Variants in CNTN5 observed in about 807,000 individuals in gnomAD.
CNTN5 encodes contactin-5.
In CNTN5, 77 loss-of-function variants were observed where a neutral mutation model predicts 129.1. The ratio of observed to expected loss-of-function variants is 0.60; its 90% CI spans 0.50 to 0.72. CNTN5 has a LOEUF of 0.72. Among genes scored for constraint, CNTN5 ranks in the 30% least tolerant of loss-of-function variants. The probability of loss-of-function intolerance (pLI) is 0.00; values close to 1 mark genes in which losing one functional copy is unlikely to be tolerated. For missense variants in CNTN5, 1,478 were observed against 1,328.8 expected (o/e 1.11, Z -1.75); for synonymous variants, 509 against 465.6 (o/e 1.09, Z -1.20).
At chr11:99,482,114 TA>T in intron 2 of CNTN5, among the ~76,000 whole-genome samples, 1 of 152,242 alleles carries the variant, frequency 6.6e-6, no homozygotes, top group African/African-American at 2.4e-5. Flanking sequence ...AAAAATTCAA[TA>T]AAAATGCATT....
rs562070418 is a variant in CNTN5, at chr11:99,641,824, C to A, written c.55+85555C>A. On this transcript the variant is annotated intron_variant, in intron 3 of 24. Transcript: ENST00000524871. ...CCAACTTTTCCAACCCTGCTCAATC[C>A]TGCTATTAAATACATAATAGCAACA... 4.6e-5 allele frequency among the ~76,000 whole-genome samples: 7 copies of A among 152,274 alleles called. No individual in the cohort carries two copies. The East Asian group carries it at 1.2e-3, about 25-fold the overall frequency.
At chr11:99,806,252 A>G (rs1179457282) in intron 3 of CNTN5, among the ~76,000 whole-genome samples, 2 of 152,182 alleles carry the variant, frequency 1.3e-5, no homozygotes, top group Non-Finnish European at 2.9e-5. Context: ...ATAAATTGGT[A>G]TCTCATCTCT....
At chr11:99,258,723 A>AT (rs1316695196) in intron 1 of CNTN5, among the ~76,000 whole-genome samples, 3 of 151,846 alleles carry the variant, frequency 2.0e-5, no homozygotes, top group Non-Finnish European at 4.4e-5. Context: ...TTATTTATGC[A>AT]TTTTTGCTAG....
chr11:100,084,761 A>T (rs566833356), intron 13 of CNTN5, among the ~76,000 whole-genome samples: 2 of 152,232 alleles, frequency 1.3e-5, no homozygotes, highest in South Asian at 4.1e-4. Context: ...CTATGTTATT[A>T]GTTAATAGCT....
At chr11:99,432,540 C>G (rs1048109269) in intron 2 of CNTN5, among the ~76,000 whole-genome samples, 3 of 123,238 alleles carry the variant, frequency 2.4e-5, no homozygotes, top group African/African-American at 5.9e-5. Flanking sequence ...TTTTTAGGGG[C>G]GAATGGGGTA....
intron 18 of CNTN5, among the ~76,000 whole-genome samples, chr11:100,274,920 A>G (rs986067695): frequency 5.3e-5 from 8 of 152,244 alleles, no homozygotes; most frequent in African/African-American, 1.7e-4. Flanking sequence ...GGGTGATGAA[A>G]TAATCTGTAC....
chr11:99,265,099 T>C (rs1395970588), intron 1 of CNTN5, among the ~76,000 whole-genome samples: 1 of 151,914 alleles, frequency 6.6e-6, no homozygotes, highest in Non-Finnish European at 1.5e-5. Flanking sequence ...ATTATTAGAA[T>C]GATACACTAA....
chr11:99,465,855 A>T (rs986254881), intron 2 of CNTN5, among the ~76,000 whole-genome samples: 1 of 141,092 alleles, frequency 7.1e-6, no homozygotes, highest in Non-Finnish European at 1.5e-5. Context: ...AAGAGAGAGA[A>T]GGGGAAGGTG....
At position 99,495,426 on chromosome 11, in the gene CNTN5, C is replaced by T. The variant is rs190377906; in HGVS notation, c.-70-60719C>T. 4.7e-4 allele frequency among the ~76,000 whole-genome samples: 71 copies of T among 152,112 alleles called. No homozygotes were observed. The East Asian group carries it at 5.2e-3, about 11-fold the overall frequency. ...ATATTGCTAAAACTAAGCCATTTGC[C>T]GTGTACATATCTTATGAGATATGGC... On this transcript the variant is annotated intron_variant, in intron 2 of 24. Transcript: ENST00000524871.
chr11:99,032,172 G>A (rs1863422688), intron 1 of CNTN5, among the ~76,000 whole-genome samples: 1 of 151,896 alleles, frequency 6.6e-6, no homozygotes, highest in Non-Finnish European at 1.5e-5. Context: ...ATCATTGTTG[G>A]ACATTTGGGT....
chr11:99,358,463 A>G (rs1339055531), intron 2 of CNTN5, among the ~76,000 whole-genome samples: 1 of 150,778 alleles, frequency 6.6e-6, no homozygotes, highest in Non-Finnish European at 1.5e-5. Context: ...AGGGAGCCTG[A>G]GGCAGGGGAA....
chr11:99,877,585 A>G (rs1948666444), intron 6 of CNTN5, among the ~76,000 whole-genome samples: 2 of 144,958 alleles, frequency 1.4e-5, no homozygotes, highest in Admixed American at 1.5e-4. Context: ...TGGATTTTTA[A>G]GTTTATTTCT....
At chr11:99,353,764 C>CT (rs1483602600) in intron 2 of CNTN5, among the ~76,000 whole-genome samples, 1 of 152,154 alleles carries the variant, frequency 6.6e-6, no homozygotes, top group African/African-American at 2.4e-5. Flanking sequence ...ATTGTCCTGA[C>CT]TTTTTTCTTT....
intron 1 of CNTN5, among the ~76,000 whole-genome samples, chr11:99,286,104 T>TTTCAATATTA (rs1354773368): frequency 2.0e-5 from 3 of 151,780 alleles, no homozygotes; most frequent in Non-Finnish European, 4.4e-5. Flanking sequence ...TTCCATTTAC[T>TTTCAATATTA]TTCAATATTA....
intron 2 of CNTN5, among the ~76,000 whole-genome samples, chr11:99,492,685 A>G (rs1244516874): frequency 3.9e-5 from 6 of 152,298 alleles, no homozygotes; most frequent in African/African-American, 1.4e-4. Flanking sequence ...TTAACAAGAG[A>G]AAAACATAAC....
At chr11:99,904,674 G>A (rs1248555211) in intron 6 of CNTN5, among the ~76,000 whole-genome samples, 2 of 152,090 alleles carry the variant, frequency 1.3e-5, no homozygotes, top group Non-Finnish European at 2.9e-5. Context: ...CGATTGCTGG[G>A]TCAAATGGTA....
rs1050867434 is a variant in CNTN5 at position 100,031,940 on chromosome 11, G to A, written c.981-29272G>A. Among the ~76,000 whole-genome samples, 4 of 150,992 alleles carry A rather than the reference G, an allele frequency of 2.6e-5. No homozygotes were observed. In the Middle Eastern group the frequency reaches 0.01, roughly 385 times the overall value. On this transcript the variant is annotated intron_variant, in intron 9 of 24. Coordinates refer to ENST00000524871, the MANE Select transcript of CNTN5 (RefSeq NM_014361.4). Reference sequence around the variant, plus strand: ...GGTGGCACCACGGGACCAGAAGGTGGTGACCCCCCTGGACCCAGCTTTCAC... The same window carrying A: ...GGTGGCACCACGGGACCAGAAGGTGATGACCCCCCTGGACCCAGCTTTCAC...
At chr11:100,260,290 G>A (rs986258481) in intron 17 of CNTN5, among the ~76,000 whole-genome samples, 1 of 152,180 alleles carries the variant, frequency 6.6e-6, no homozygotes, top group Non-Finnish European at 1.5e-5. Flanking sequence ...TTCTGAAACT[G>A]AGGAAGTAAT....
At chr11:99,561,806 A>C (rs576723874) in intron 3 of CNTN5, among the ~76,000 whole-genome samples, 12 of 15,360 alleles carry the variant, frequency 7.8e-4, no homozygotes, top group Admixed American at 1.4e-3. Flanking sequence ...TATGATAACT[A>C]AATGTAATGA....
Sources: gnomAD v4.1 joint callset for allele counts (sites outside exome capture counted in the v4.1 genomes callset) on GRCh38, gnomAD v4.1.1 for gene constraint, MANE v1.5 for transcripts, NCBI Gene and HGNC (gene_info 2026-07-23, HGNC 2026-07-21) for gene names.